Variants in COL26A1 observed in about 807,000 individuals in gnomAD.
The protein encoded by COL26A1 is collagen type XXVI alpha 1 chain.
Under a neutral mutation model 59.3 loss-of-function variants are expected in COL26A1, and 41 were observed. That is an observed-to-expected ratio of 0.69 (90% CI 0.54 to 0.90). COL26A1 has a LOEUF of 0.90. COL26A1 is among the 40% of genes least tolerant of loss of function. COL26A1 has a pLI of 0.00. For synonymous variants in COL26A1, 266 were observed against 256.0 expected (o/e 1.04, Z -0.37); for missense variants, 612 against 602.3 (o/e 1.02, Z -0.17).
chr7:101,508,342 C>A (rs888021503), intron 3 of COL26A1, among the ~76,000 whole-genome samples: 1 of 151,886 alleles, frequency 6.6e-6, no homozygotes. Flanking sequence ...GGCAACACAG[C>A]GAGACCCCAT....
intron 10 of COL26A1, 93 bp from the exon 11 acceptor site, chr7:101,553,233 C>A: frequency 8.6e-7 from 1 of 1,168,604 alleles, no homozygotes; most frequent in South Asian, 1.3e-5. Flanking sequence ...CCCAGCCTGC[C>A]CCTGACTCCC....
intron 6 of COL26A1, among the ~76,000 whole-genome samples, chr7:101,544,826 C>A (rs1795696526): frequency 6.6e-6 from 1 of 152,198 alleles, no homozygotes; most frequent in African/African-American, 2.4e-5. Context: ...AGCCACAACA[C>A]CTGGCCAAAA....
chr7:101,524,261 ACT>A (rs1186632001), intron 3 of COL26A1, among the ~76,000 whole-genome samples: 3 of 149,358 alleles, frequency 2.0e-5, no homozygotes, highest in East Asian at 2.0e-4. Flanking sequence ...ACAGAGTGAG[ACT>A]CTGTCTCAAA....
chr7:101,545,220 C>G, intron 6 of COL26A1, 118 bp from the exon 7 acceptor site: 2 of 866,702 alleles, frequency 2.3e-6, no homozygotes, highest in South Asian at 3.8e-5. Flanking sequence ...TCACCACTGA[C>G]TGCCTGTGGG....
At chr7:101,407,741 C>T (rs1792160275) in intron 1 of COL26A1, among the ~76,000 whole-genome samples, 1 of 151,876 alleles carries the variant, frequency 6.6e-6, no homozygotes, top group African/African-American at 2.4e-5. Context: ...AGCACCATAA[C>T]GATTTACCAT....
intron 1 of COL26A1, among the ~76,000 whole-genome samples, chr7:101,398,857 G>A (rs559991575): frequency 6.6e-5 from 10 of 152,224 alleles, no homozygotes; most frequent in African/African-American, 2.4e-4. Context: ...ACAAATGCCT[G>A]GCTAGGGTAG....
At chr7:101,410,222 G>A (rs1037230485) in intron 1 of COL26A1, among the ~76,000 whole-genome samples, 6 of 152,150 alleles carry the variant, frequency 3.9e-5, no homozygotes, top group African/African-American at 1.2e-4. Context: ...GCTGGTGTTC[G>A]TTGGTTCATC....
chr7:101,490,013 T>C (rs1794423241), intron 3 of COL26A1, among the ~76,000 whole-genome samples: 1 of 150,192 alleles, frequency 6.7e-6, no homozygotes, highest in Admixed American at 6.8e-5. Context: ...CTCGGCTCAC[T>C]GCAACCTCCG....
chr7:101,547,088 C>G, intron 7 of COL26A1, 68 bp from the exon 8 acceptor site: 1 of 1,195,974 alleles, frequency 8.4e-7, no homozygotes, highest in Non-Finnish European at 1.2e-6. Flanking sequence ...GCTCAGTGCC[C>G]CGGACCAGCC....
chr7:101,450,110 T>G (rs2097906), intron 3 of COL26A1, among the ~76,000 whole-genome samples: 1 of 145,656 alleles, frequency 6.9e-6, no homozygotes, highest in Admixed American at 7.0e-5. Flanking sequence ...GATGACAGAG[T>G]GAGACTCAGT....
chr7:101,413,079 A>G (rs533726252), intron 1 of COL26A1, among the ~76,000 whole-genome samples: 3 of 152,286 alleles, frequency 2.0e-5, no homozygotes, highest in African/African-American at 7.2e-5. Flanking sequence ...TTAACCGCCA[A>G]TTAAGGATTT....
intron 1 of COL26A1, among the ~76,000 whole-genome samples, chr7:101,383,276 C>CA (rs1260119537): frequency 6.7e-6 from 1 of 150,342 alleles, no homozygotes; most frequent in Non-Finnish European, 1.5e-5. Flanking sequence ...TGTGAATTTT[C>CA]AAAAAATTAT....
At chr7:101,529,826 T>C (rs1270188580) in intron 3 of COL26A1, among the ~76,000 whole-genome samples, 5 of 152,186 alleles carry the variant, frequency 3.3e-5, no homozygotes, top group Non-Finnish European at 4.4e-5. Flanking sequence ...CAATCCACCA[T>C]TGGTGGACGC....
rs879226041 is a variant in COL26A1 at position 101,447,673 on chromosome 7, C to T, written c.282-11C>T. ...GGAGCTCATGCCCCCCTGACGCTGT[C>T]TGTGTGTTAGTTACAGGACTCTGAT... On this transcript the variant is annotated splice_polypyrimidine_tract_variant and intron_variant, in intron 2 of 12. Transcript: ENST00000313669. 4 of 1,558,430 alleles carry T rather than the reference C, an allele frequency of 2.6e-6. No individual in the cohort carries two copies. The highest frequency in any genetic ancestry group is 1.7e-6 in the Non-Finnish European group (2 of 1,143,140).
chr7:101,548,168 ACTC>A, intron 8 of COL26A1, among the ~76,000 whole-genome samples: 1 of 152,034 alleles, frequency 6.6e-6, no homozygotes, highest in South Asian at 2.1e-4. Context: ...AACTGGACAG[ACTC>A]CTGACATTTG....
intron 4 of COL26A1, among the ~76,000 whole-genome samples, chr7:101,537,253 G>T (rs1428183656): frequency 6.6e-6 from 1 of 152,136 alleles, no homozygotes; most frequent in Non-Finnish European, 1.5e-5. Flanking sequence ...AAGGCCAGCA[G>T]GGTACCGGGG....
chr7:101,363,228 G>A lies in COL26A1; in HGVS notation c.158+38G>A, dbSNP rs1405362912. On this transcript the variant is annotated intron_variant, in intron 1 of 12. Transcript: ENST00000313669. ...GGGCCGAGGGGCCGGGGGGTGGGGGGAGGGAGCGGACAGCGGGGGCCCTGG... is the reference window on the plus strand; with the variant it reads ...GGGCCGAGGGGCCGGGGGGTGGGGGAAGGGAGCGGACAGCGGGGGCCCTGG... The A allele has an allele frequency of 1.8e-5, 14 of 788,656 alleles. 5 individuals are homozygous for A. Among genetic ancestry groups the A allele is most frequent in the Non-Finnish European group, 2.6e-5 (14 of 543,548 alleles). The allele number at this position is 788,656 out of a possible 1,614,324, so 48.9% of individuals were successfully genotyped here.
chr7:101,515,658 G>A (rs1379630923), intron 3 of COL26A1, among the ~76,000 whole-genome samples: 2 of 150,454 alleles, frequency 1.3e-5, no homozygotes, highest in Admixed American at 6.7e-5. Flanking sequence ...TTGATCCCTC[G>A]GCTTGCTGCA....
chr7:101,544,594 A>G (rs1241275481), intron 6 of COL26A1, among the ~76,000 whole-genome samples: 2 of 143,070 alleles, frequency 1.4e-5, no homozygotes, highest in African/African-American at 5.2e-5. Context: ...GCACGGTGGC[A>G]CAATCTCAGC....
Sources: allele counts gnomAD v4.1 joint callset (sites outside exome capture counted in the v4.1 genomes callset), GRCh38; gene constraint gnomAD v4.1.1; transcripts MANE v1.5; gene names NCBI Gene and HGNC (gene_info 2026-07-23, HGNC 2026-07-21).